Variants in GUCY1A2 observed in about 807,000 individuals in gnomAD.
GUCY1A2 encodes the protein guanylate cyclase 1 soluble subunit alpha 2.
A neutral mutation model predicts 63.5 loss-of-function variants in GUCY1A2; 27 were observed. The observed-to-expected ratio is 0.43, with a 90% CI of 0.31 to 0.59. The LOEUF (loss-of-function observed/expected upper bound fraction) is 0.59. GUCY1A2 is among the 20% of genes least tolerant of loss of function. GUCY1A2 has a pLI of 0.11. For synonymous variants in GUCY1A2, 364 were observed against 343.5 expected, an observed-to-expected ratio of 1.06 and a Z score of -0.66; for missense variants, 768 against 913.3, an observed-to-expected ratio of 0.84 and a Z score of 2.05.
chr11:106,984,575 GTTATT>G (rs1170152149), intron 2 of GUCY1A2, among the ~76,000 whole-genome samples: 1 of 152,244 alleles, frequency 6.6e-6, no homozygotes, highest in East Asian at 1.9e-4. Flanking sequence ...TATTTCATCA[GTTATT>G]TTATTTCGAA....
Position 106,813,169 on chromosome 11 carries a change from C to T in GUCY1A2, c.1207-2691G>A, listed in dbSNP as rs752571684. Among the ~76,000 whole-genome samples the T allele has an allele frequency of 7.2e-5, 11 of 151,986 alleles. No individual in the cohort carries two copies. The East Asian group carries it at 2.1e-3, about 29-fold the overall frequency. On this transcript the variant is annotated intron_variant, in intron 4 of 7. Transcript: ENST00000526355. Reference sequence around the variant, plus strand: ...TCTAAGGTTTTATTGCATCTTACATCATATTGAAGTTTCAATGAGATAGCA... The same window carrying T: ...TCTAAGGTTTTATTGCATCTTACATTATATTGAAGTTTCAATGAGATAGCA...
At chr11:106,745,124 G>T (rs989126917) in intron 6 of GUCY1A2, among the ~76,000 whole-genome samples, 1 of 152,110 alleles carries the variant, frequency 6.6e-6, no homozygotes, top group East Asian at 1.9e-4. Flanking sequence ...AGGATTGAAC[G>T]ATTTGCCATG....
intron 4 of GUCY1A2, among the ~76,000 whole-genome samples, chr11:106,896,689 C>T (rs1002386579): frequency 6.6e-6 from 1 of 152,182 alleles, no homozygotes; most frequent in Admixed American, 6.5e-5. Context: ...GAGGATGCAG[C>T]ATTCTTCTCC....
chr11:106,861,034 G>A (rs1379178851), intron 4 of GUCY1A2, among the ~76,000 whole-genome samples: 1 of 151,852 alleles, frequency 6.6e-6, no homozygotes, highest in African/African-American at 2.4e-5. Context: ...GAAGAGGAAG[G>A]AGGCAACTTC....
chr11:106,993,026 CA>C (rs1426254571), intron 1 of GUCY1A2, among the ~76,000 whole-genome samples: 1 of 152,166 alleles, frequency 6.6e-6, no homozygotes, highest in Non-Finnish European at 1.5e-5. Context: ...AGATGATGCT[CA>C]AGAGGAATCC....
intron 6 of GUCY1A2, among the ~76,000 whole-genome samples, chr11:106,711,828 G>T (rs1863125336): frequency 6.6e-6 from 1 of 152,064 alleles, no homozygotes; most frequent in Non-Finnish European, 1.5e-5. Flanking sequence ...TAGGTTTAAA[G>T]AGTTTTTTAC....
chr11:106,854,634 C>T (rs927016735), intron 4 of GUCY1A2, among the ~76,000 whole-genome samples: 2 of 152,168 alleles, frequency 1.3e-5, no homozygotes, highest in African/African-American at 4.8e-5. Context: ...CAGGGCAGGC[C>T]TGCCCTCAGG....
chr11:106,818,700 G>C (rs984814755), intron 4 of GUCY1A2, among the ~76,000 whole-genome samples: 1 of 152,092 alleles, frequency 6.6e-6, no homozygotes, highest in Non-Finnish European at 1.5e-5. Flanking sequence ...AGTGAGCCAA[G>C]TTGCGAATGA....
At chr11:106,791,398 T>C (rs965927200) in intron 5 of GUCY1A2, among the ~76,000 whole-genome samples, 37 of 152,234 alleles carry the variant, frequency 2.4e-4, no homozygotes, top group African/African-American at 8.0e-4. Flanking sequence ...TCCCACAGTC[T>C]TCAGTGCCTC....
At chr11:106,921,975 T>A (rs1860450260) in intron 4 of GUCY1A2, among the ~76,000 whole-genome samples, 1 of 152,136 alleles carries the variant, frequency 6.6e-6, no homozygotes, top group African/African-American at 2.4e-5. Context: ...TTTGTCTAAG[T>A]AAAATGTTAA....
intron 4 of GUCY1A2, among the ~76,000 whole-genome samples, chr11:106,871,755 T>G (rs1859681153): frequency 6.6e-6 from 1 of 152,158 alleles, no homozygotes; most frequent in Non-Finnish European, 1.5e-5. Flanking sequence ...ATTAACACGA[T>G]TTCTATTTGC....
chr11:107,014,720 AAAG>A (rs761309387), intron 1 of GUCY1A2, among the ~76,000 whole-genome samples: 3 of 152,230 alleles, frequency 2.0e-5, no homozygotes, highest in Non-Finnish European at 4.4e-5. Context: ...CATTCTGAAT[AAAG>A]AAGAAATCCC....
rs373473775 is a variant in GUCY1A2, at chr11:106,788,239, T to C, written c.1693-11657A>G. ...ATTTTAAAATCAGATTATTAGATTT[T>C]TTTTTTTCCTATTGAGTTGTTTGAG... is the stretch of plus-strand genomic sequence containing the variant. On this transcript the variant is annotated intron_variant, in intron 5 of 7. Coordinates refer to ENST00000526355, the MANE Select transcript of GUCY1A2 (RefSeq NM_000855.3). 1.1e-4 allele frequency among the ~76,000 whole-genome samples: 17 copies of C among 152,290 alleles called. No individual in the cohort carries two copies. The East Asian group carries it at 2.7e-3, about 24-fold the overall frequency.
intron 3 of GUCY1A2, among the ~76,000 whole-genome samples, chr11:106,940,772 G>A (rs900541833): frequency 6.6e-6 from 1 of 152,068 alleles, no homozygotes; most frequent in African/African-American, 2.4e-5. Context: ...TTTAAATGTT[G>A]CTAATCTAGC....
At chr11:106,945,502 T>C (rs980645909) in intron 3 of GUCY1A2, among the ~76,000 whole-genome samples, 16 of 152,112 alleles carry the variant, frequency 1.1e-4, no homozygotes, top group African/African-American at 3.9e-4. Context: ...TAGTGAGCAA[T>C]GAACCCTACA....
chr11:106,977,656 CTGTT>C (rs991649006), intron 3 of GUCY1A2, among the ~76,000 whole-genome samples: 18 of 152,254 alleles, frequency 1.2e-4, no homozygotes, highest in African/African-American at 4.3e-4. Flanking sequence ...AACCTGGAAA[CTGTT>C]TGTAGGAGAA....
rs117921674 is a variant in GUCY1A2 at position 106,690,631 on chromosome 11, A to C, written c.1992-2875T>G. Among the ~76,000 whole-genome samples the C allele has an allele frequency of 4.1e-4, 63 of 152,226 alleles. No individual in the cohort carries two copies. The East Asian group carries it at 0.011, about 28-fold the overall frequency. ...AATCTGTACAACGAACCCCCATGAC[A>C]CTCATTTACAAATGTATGTAAGTAT... On this transcript the variant is annotated intron_variant, in intron 7 of 7. Coordinates refer to ENST00000526355, the MANE Select transcript of GUCY1A2 (RefSeq NM_000855.3).
At chr11:106,845,121 G>A (rs987614034) in intron 4 of GUCY1A2, among the ~76,000 whole-genome samples, 6 of 151,638 alleles carry the variant, frequency 4.0e-5, no homozygotes, top group African/African-American at 1.5e-4. Flanking sequence ...AATCCTGGCT[G>A]TACATTAGAA....
At chr11:106,953,724 T>C (rs1323275780) in intron 3 of GUCY1A2, among the ~76,000 whole-genome samples, 1 of 152,198 alleles carries the variant, frequency 6.6e-6, no homozygotes, top group Non-Finnish European at 1.5e-5. Flanking sequence ...TATTCAGGGA[T>C]TCAACTTCTT....
Sources: gnomAD v4.1 joint callset for allele counts (sites outside exome capture counted in the v4.1 genomes callset) on GRCh38, gnomAD v4.1.1 for gene constraint, MANE v1.5 for transcripts, NCBI Gene and HGNC (gene_info 2026-07-23, HGNC 2026-07-21) for gene names.